MYOM1: variants seen among roughly 807,000 people sequenced by gnomAD.
MYOM1 encodes myomesin-1.
MYOM1 carries 164 observed loss-of-function variants against 205.3 expected under a neutral mutation model. The observed-to-expected ratio is 0.80, with a 90% CI of 0.70 to 0.91. The LOEUF (loss-of-function observed/expected upper bound fraction) is 0.91. MYOM1 is among the 40% of genes least tolerant of loss of function. The probability of loss-of-function intolerance (pLI) is 0.00; values close to 1 mark genes in which losing one functional copy is unlikely to be tolerated. For missense variants in MYOM1, 2,011 were observed against 2,127.3 expected, an observed-to-expected ratio of 0.95 and a Z score of 1.08; for synonymous variants, 772 against 789.4, an observed-to-expected ratio of 0.98 and a Z score of 0.37.
chr18:3,068,615 T>C (rs1371121917), intron 37 of MYOM1, among the ~76,000 whole-genome samples: 1 of 152,206 alleles, frequency 6.6e-6, no homozygotes, highest in African/African-American at 2.4e-5. Flanking sequence ...GTCAAAGATA[T>C]TATATAAATA....
At chr18:3,218,889 A>T (rs2081300033) in intron 1 of MYOM1, among the ~76,000 whole-genome samples, 1 of 152,168 alleles carries the variant, frequency 6.6e-6, no homozygotes, top group Admixed American at 6.5e-5. Flanking sequence ...TTTATTTTTA[A>T]TAATACTTAC....
intron 1 of MYOM1, among the ~76,000 whole-genome samples, chr18:3,217,378 T>G (rs771940093): frequency 1.3e-5 from 2 of 152,218 alleles, no homozygotes; most frequent in Non-Finnish European, 2.9e-5. Context: ...GGTTTTTGCC[T>G]GAGCAATTGA....
At chr18:3,134,912 TAC>T (rs2079933886) in intron 15 of MYOM1, 88 bp from the exon 16 acceptor site, 6 of 1,317,622 alleles carry the variant, frequency 4.6e-6, no homozygotes, top group Non-Finnish European at 6.5e-6. Context: ...CTAGGTATTT[TAC>T]ACACTTCGTC....
rs573184538 is a variant in MYOM1, at chr18:3,067,274, C to CT, written c.5045dup (p.Lys1683GlufsTer16). On this transcript the variant is annotated frameshift_variant, in exon 38 of 38. Transcript: ENST00000356443. LOFTEE classifies it high-confidence loss of function. The stretch of plus-strand genomic sequence containing the variant: ...CTCGCACCTCCGGTCACTTGGCCTT[C>CT]TTGCCACCTTTCAGGGACTCCAAGG... The CT allele has an allele frequency of 9.8e-5, 157 of 1,601,790 alleles. No individual in the cohort carries two copies. The African/African-American group carries it at 1.9e-3, about 20-fold the overall frequency.
At chr18:3,119,374 A>T in intron 20 of MYOM1, among the ~76,000 whole-genome samples, 1 of 152,178 alleles carries the variant, frequency 6.6e-6, no homozygotes, top group East Asian at 1.9e-4. Flanking sequence ...GGAGAAGGAG[A>T]GCCTAAGAAG....
At chr18:3,184,353 A>G (rs2080780645) in intron 5 of MYOM1, among the ~76,000 whole-genome samples, 1 of 152,194 alleles carries the variant, frequency 6.6e-6, no homozygotes, top group Non-Finnish European at 1.5e-5. Flanking sequence ...CTTATGTCCT[A>G]ACTTATACTG....
chr18:3,124,294 T>C lies in MYOM1; in HGVS notation c.2991+2407A>G, dbSNP rs1376203858. Among the ~76,000 whole-genome samples, 3 of 92,170 alleles carry C rather than the reference T, an allele frequency of 3.3e-5. No individual in the cohort carries two copies. The East Asian group carries it at 6.9e-4, about 21-fold the overall frequency. The allele number at this position is 92,170 out of a possible 152,430, so 60.5% of individuals were successfully genotyped here. ...AGAATAGCAGGCAGACGACAAACTTTTCTTTTTTCTTTTTTTTTTTTTTTG... is the reference window on the plus strand; with the variant it reads ...AGAATAGCAGGCAGACGACAAACTTCTCTTTTTTCTTTTTTTTTTTTTTTG... On this transcript the variant is annotated intron_variant, in intron 19 of 37. Coordinates refer to ENST00000356443, the MANE Select transcript of MYOM1 (RefSeq NM_003803.4).
chr18:3,102,557 AGT>A lies in MYOM1; in HGVS notation c.3490_3491del (p.Thr1164SerfsTer15). ...ISLNFECDKM[T>X]PKSEFSWSKD... Reference sequence around the variant, plus strand: ...TGGACCAGGAGAACTCGGACTTTGGAGTCATCTTATCACACTCGAAGTTCAAT... The same window carrying A: ...TGGACCAGGAGAACTCGGACTTTGGACATCTTATCACACTCGAAGTTCAAT... On this transcript the variant is annotated frameshift_variant, in exon 23 of 38. Coordinates refer to ENST00000356443, the MANE Select transcript of MYOM1 (RefSeq NM_003803.4). LOFTEE classifies it high-confidence loss of function. 6.2e-7 allele frequency: 1 copy of A among 1,613,920 alleles called. No homozygotes were observed. The highest frequency in any genetic ancestry group is 8.5e-7 in the Non-Finnish European group (1 of 1,179,864).
At chr18:3,153,394 G>A (rs945224610) in intron 11 of MYOM1, among the ~76,000 whole-genome samples, 2 of 152,186 alleles carry the variant, frequency 1.3e-5, no homozygotes, top group African/African-American at 2.4e-5. Context: ...TTATGGGTTA[G>A]TGGTTAATAT....
At chr18:3,204,455 T>C (rs969185592) in intron 2 of MYOM1, among the ~76,000 whole-genome samples, 21 of 151,862 alleles carry the variant, frequency 1.4e-4, no homozygotes, top group Admixed American at 1.1e-3. Context: ...AAAAATTAAA[T>C]TAAGACAACT....
At chr18:3,118,764 C>A (rs116013635) in intron 20 of MYOM1, among the ~76,000 whole-genome samples, 3 of 152,104 alleles carry the variant, frequency 2.0e-5, no homozygotes, top group African/African-American at 7.2e-5. Context: ...ATGCAGGTGG[C>A]AGAAAGGACT....
In MYOM1 at chr18:3,188,893, G is replaced by A. The variant is rs374540941; in HGVS notation, c.626C>T (p.Thr209Met). Residue 209 changes from threonine (T) to methionine (M), a missense_variant, in exon 4 of 38, where the codon ACG becomes ATG. By Grantham distance (81) the Thr-to-Met change is moderately conservative. Coordinates refer to ENST00000356443, the MANE Select transcript of MYOM1 (RefSeq NM_003803.4). ...SKQSTASKQS[T>M]ASRQSTASRQ... The stretch of plus-strand genomic sequence containing the variant: ...GGATGCCGTGGACTGCCTGGATGCC[G>A]TGGACTGCTTGGATGCTGTGGACTG... 60 of 1,608,568 alleles carry A rather than the reference G, an allele frequency of 3.7e-5. No homozygotes were observed. Among genetic ancestry groups the A allele is most frequent in the East Asian group, 1.8e-4 (8 of 44,790 alleles).
intron 29 of MYOM1, among the ~76,000 whole-genome samples, chr18:3,086,904 T>C (rs530520148): frequency 3.9e-5 from 6 of 152,244 alleles, no homozygotes; most frequent in Non-Finnish European, 8.8e-5. Flanking sequence ...CTACATACCA[T>C]TCCCCAAAGA....
chr18:3,220,312 C>T (rs1171964789), upstream of MYOM1, among the ~76,000 whole-genome samples: 1 of 152,130 alleles, frequency 6.6e-6, no homozygotes, highest in Non-Finnish European at 1.5e-5. Flanking sequence ...TCTGAGTGTG[C>T]TGTTAACAAC....
chr18:3,098,109 G>A (rs899711136), intron 25 of MYOM1, among the ~76,000 whole-genome samples: 7 of 152,146 alleles, frequency 4.6e-5, no homozygotes, highest in Non-Finnish European at 8.8e-5. Context: ...GTCAATGTTC[G>A]AGAGTAGAAA....
chr18:3,123,167 A>C (rs944552511), intron 19 of MYOM1, among the ~76,000 whole-genome samples: 4 of 152,222 alleles, frequency 2.6e-5, no homozygotes, highest in Admixed American at 2.6e-4. Context: ...GTCACTATGC[A>C]GAAAGTAAGG....
rs2079540803 is a variant in MYOM1, at chr18:3,112,389, G to T, written c.3327C>A (p.Val1109=). 6.2e-7 allele frequency: 1 copy of T among 1,608,954 alleles called. No homozygotes were observed. Among genetic ancestry groups the T allele is most frequent in the Non-Finnish European group, 8.5e-7 (1 of 1,176,590 alleles). ...TGGCTCGAACACGGAACACGTAGCT[G>T]ACGCCCTCCTTGAGGCCTCGAACCT... ...YLKVRGLKEG[V]SYVFRVRAIN... is the part of the protein sequence containing the mutation. Residue 1109 remains valine (V), a synonymous_variant, in exon 22 of 38, where the codon GTC becomes GTA. Transcript: ENST00000356443.
At chr18:3,114,490 A>T (rs1172448118) in intron 21 of MYOM1, among the ~76,000 whole-genome samples, 5 of 145,036 alleles carry the variant, frequency 3.4e-5, no homozygotes, top group Middle Eastern at 7.6e-3. Flanking sequence ...CAATCCTCCC[A>T]TCTCAGCCTC....
chr18:3,154,835 A>T, intron 11 of MYOM1, 112 bp downstream of exon 11: 1 of 1,131,258 alleles, frequency 8.8e-7, no homozygotes, highest in Non-Finnish European at 1.2e-6. Context: ...AAATAGAAAG[A>T]GGAGGAGAGG....
Sources: allele counts gnomAD v4.1 joint callset (sites outside exome capture counted in the v4.1 genomes callset), GRCh38; gene constraint gnomAD v4.1.1; transcripts MANE v1.5; gene names NCBI Gene and HGNC (gene_info 2026-07-23, HGNC 2026-07-21).